GALNT13: variants seen among roughly 807,000 people sequenced by gnomAD.
GALNT13 encodes polypeptide N-acetylgalactosaminyltransferase 13, also known as UDP-GalNAc:polypeptide N-acetylgalactosaminyltransferase 13.
In GALNT13, 28 loss-of-function variants were observed where a neutral mutation model predicts 64.2. That is an observed-to-expected ratio of 0.44 (90% CI 0.32 to 0.60). The LOEUF is 0.60. Ranked by LOEUF, GALNT13 falls within the 20% of genes least tolerant of loss-of-function variation. The pLI, the probability that GALNT13 is intolerant of heterozygous loss-of-function variation, is 0.05. For synonymous variants in GALNT13, 214 were observed against 224.6 expected (o/e 0.95, Z 0.42); for missense variants, 577 against 669.8 (o/e 0.86, Z 1.53).
the GALNT13 span, among the ~76,000 whole-genome samples, chr2:153,426,034 C>A: frequency 4.0e-5 from 6 of 151,768 alleles, no homozygotes; most frequent in African/African-American, 9.7e-5. Context: ...TTTATTAGGT[C>A]ATACACTGTC....
chr2:153,186,727 C>T, the GALNT13 span, among the ~76,000 whole-genome samples: 1 of 152,030 alleles, frequency 6.6e-6, no homozygotes, highest in South Asian at 2.1e-4. Context: ...CAACCACACC[C>T]AGCTAATTTT....
At chr2:153,179,701 A>G in the GALNT13 span, among the ~76,000 whole-genome samples, 1 of 151,990 alleles carries the variant, frequency 6.6e-6, no homozygotes, top group East Asian at 1.9e-4. Context: ...GTATCTTTCC[A>G]TTTGTTTATT....
the GALNT13 span, among the ~76,000 whole-genome samples, chr2:153,645,655 G>T: frequency 6.6e-6 from 1 of 152,110 alleles, no homozygotes; most frequent in African/African-American, 2.4e-5. Flanking sequence ...AGTGTATTTT[G>T]AAATATGTCT....
chr2:153,782,087 G>T, the GALNT13 span, among the ~76,000 whole-genome samples: 88 of 152,224 alleles, frequency 5.8e-4, no homozygotes, highest in African/African-American at 2.1e-3. Flanking sequence ...TTCATATGTT[G>T]AAGACCTAAT....
At chr2:154,097,413 C>G (rs1702130089) in intron 3 of GALNT13, among the ~76,000 whole-genome samples, 1 of 151,978 alleles carries the variant, frequency 6.6e-6, no homozygotes, top group African/African-American at 2.4e-5. Context: ...GCAACAGATC[C>G]TGCTTAAAAG....
At chr2:153,590,286 A>G in the GALNT13 span, among the ~76,000 whole-genome samples, 43,147 of 152,004 alleles carry the variant, frequency 0.28, 6,630 homozygotes, top group South Asian at 0.43. Flanking sequence ...GATTGAATCA[A>G]AAGTAAATAG....
chr2:154,253,042 T>A (rs1690173660), intron 7 of GALNT13, among the ~76,000 whole-genome samples: 1 of 152,204 alleles, frequency 6.6e-6, no homozygotes, highest in Admixed American at 6.5e-5. Context: ...TCTCCTTTTT[T>A]GATAGATAAT....
the GALNT13 span, among the ~76,000 whole-genome samples, chr2:153,736,682 T>G: frequency 3.3e-5 from 5 of 152,198 alleles, no homozygotes; most frequent in African/African-American, 9.6e-5. Context: ...GTTAAAACTT[T>G]AGGTTCACAC....
the GALNT13 span, among the ~76,000 whole-genome samples, chr2:153,567,140 G>A: frequency 1.3e-5 from 2 of 152,350 alleles, no homozygotes; most frequent in South Asian, 2.1e-4. Flanking sequence ...GATTGTCAAG[G>A]ATGGGAAATT....
intron 4 of GALNT13, among the ~76,000 whole-genome samples, chr2:154,158,382 T>G (rs781771268): frequency 6.6e-6 from 1 of 152,206 alleles, no homozygotes; most frequent in Non-Finnish European, 1.5e-5. Context: ...TTAACTCTTA[T>G]CATCATCTTC....
the GALNT13 span, among the ~76,000 whole-genome samples, chr2:153,386,318 C>A: frequency 3.9e-5 from 6 of 152,046 alleles, no homozygotes; most frequent in Admixed American, 1.3e-4. Flanking sequence ...AAGGAATGAG[C>A]AATTTTGAGG....
chr2:153,167,131 C>A, the GALNT13 span, among the ~76,000 whole-genome samples: 2 of 152,230 alleles, frequency 1.3e-5, no homozygotes, highest in African/African-American at 4.8e-5. Flanking sequence ...AACCACTAGA[C>A]AAGAAACACA....
chr2:154,356,541 G>A (rs1229376743), intron 9 of GALNT13, among the ~76,000 whole-genome samples: 1 of 151,848 alleles, frequency 6.6e-6, no homozygotes, highest in East Asian at 1.9e-4. Context: ...TCTTGCATGA[G>A]GTACTTTATC....
At chr2:154,337,074 G>C (rs1203292338) in intron 9 of GALNT13, among the ~76,000 whole-genome samples, 1 of 152,030 alleles carries the variant, frequency 6.6e-6, no homozygotes, top group African/African-American at 2.4e-5. Flanking sequence ...AAATAGGCCT[G>C]ATATGGCTGG....
chr2:154,357,006 G>A (rs999237218), intron 9 of GALNT13, among the ~76,000 whole-genome samples: 4 of 151,840 alleles, frequency 2.6e-5, no homozygotes, highest in African/African-American at 9.7e-5. Flanking sequence ...AAGATTGATT[G>A]AAATGAAATA....
chr2:153,725,749 G>C, the GALNT13 span, among the ~76,000 whole-genome samples: 2 of 149,468 alleles, frequency 1.3e-5, no homozygotes, highest in Non-Finnish European at 3.0e-5. Flanking sequence ...AATATAATTT[G>C]AAACTTTAAT....
intron 3 of GALNT13, among the ~76,000 whole-genome samples, chr2:154,106,807 C>A (rs1351457573): frequency 1.3e-5 from 2 of 151,898 alleles, no homozygotes; most frequent in Admixed American, 6.6e-5. Flanking sequence ...TTCATAAGTT[C>A]AATGGGATAC....
chr2:154,394,522 C>G (rs865865621), intron 9 of GALNT13, among the ~76,000 whole-genome samples: 1 of 152,098 alleles, frequency 6.6e-6, no homozygotes. Flanking sequence ...GAATTAAGTC[C>G]TCTGAAGATA....
At chr2:154,380,329 C>G (rs1698208280) in intron 9 of GALNT13, among the ~76,000 whole-genome samples, 1 of 151,970 alleles carries the variant, frequency 6.6e-6, no homozygotes, top group African/African-American at 2.4e-5. Context: ...AATTAATAAT[C>G]TAAGTCTCCA....
Sources: allele counts gnomAD v4.1 joint callset (sites outside exome capture counted in the v4.1 genomes callset), GRCh38; gene constraint gnomAD v4.1.1; transcripts MANE v1.5; gene names NCBI Gene and HGNC (gene_info 2026-07-23, HGNC 2026-07-21).